Variants in TNRC18 observed in about 807,000 individuals in gnomAD.
TNRC18 encodes trinucleotide repeat containing 18.
Under a neutral mutation model 226.7 loss-of-function variants are expected in TNRC18, and 69 were observed. The ratio of observed to expected loss-of-function variants is 0.30; its 90% CI spans 0.25 to 0.37. TNRC18 has a LOEUF of 0.37. Ranked by LOEUF, TNRC18 falls within the 10% of genes least tolerant of loss-of-function variation. The pLI is 1.00. For missense variants in TNRC18, 4,754 were observed against 4,256.6 expected, an observed-to-expected ratio of 1.12 and a Z score of -3.25; for synonymous variants, 2,449 against 1,927.6, an observed-to-expected ratio of 1.27 and a Z score of -7.09.
At chr7:5,341,945 G>A (rs183340355) in intron 18 of TNRC18, among the ~76,000 whole-genome samples, 9 of 152,286 alleles carry the variant, frequency 5.9e-5, no homozygotes, top group East Asian at 1.9e-4. Context: ...TGAGGGAGAC[G>A]TACAAGGAGA....
Position 5,394,474 on chromosome 7 carries a change from G to T in TNRC18, c.309C>A (p.Pro103=). The change falls in exon 3 of 30, where the codon CCC becomes CCA. Residue 103 remains proline (P), a synonymous_variant. Coordinates refer to ENST00000430969, the MANE Select transcript of TNRC18 (RefSeq NM_001080495.3). The surrounding 1 kb of genome is among the most constrained non-coding windows in gnomAD (Gnocchi z 4.5). ...CGTGGGCGGCCCACAGCTGCACCAT[G>T]GGCAGGTTGCTAGGGGTTGGGGAGC... The part of the protein sequence containing the change: ...SFRSPTPSNL[P]MVQLWAAHAH... The T allele has an allele frequency of 6.4e-7, 1 of 1,558,820 alleles. No individual in the cohort carries two copies. The highest frequency in any genetic ancestry group is 8.7e-7 in the Non-Finnish European group (1 of 1,152,660).
chr7:5,399,813 T>C (rs1780956191), intron 2 of TNRC18, among the ~76,000 whole-genome samples: 2 of 151,864 alleles, frequency 1.3e-5, no homozygotes, highest in South Asian at 2.1e-4. Context: ...TCACTTGAGG[T>C]CAGGAGTTCG....
At chr7:5,362,099 ACCCAGGGGTG>A (rs1793118022) in intron 12 of TNRC18, 66 bp from the exon 13 acceptor site, 1 of 1,568,706 alleles carries the variant, frequency 6.4e-7, no homozygotes, top group Admixed American at 1.8e-5. Context: ...CCCACCGCCC[ACCCAGGGGTG>A]CCCCTGAGGA....
At position 5,388,296 on chromosome 7, in the gene TNRC18, A is replaced by C. The variant is rs764725111; in HGVS notation, c.1528T>G (p.Trp510Gly). 67 of 1,435,428 alleles carry C rather than the reference A, an allele frequency of 4.7e-5. No individual in the cohort carries two copies. The Middle Eastern group carries it at 7.6e-4, about 16-fold the overall frequency. 88.9% of individuals were successfully genotyped at this position (1,435,428 alleles called of 1,614,324 possible). Residue 510 changes from tryptophan (W) to glycine (G), a missense_variant, in exon 5 of 30, where the codon TGG (tryptophan) becomes GGG (glycine). By Grantham distance (184) the Trp-to-Gly change is radical (BLOSUM62 -2). Transcript: ENST00000430969. The part of the protein sequence containing the change: ...RPPPTGPEHK[W>G]KPFELGNFAA... Reference sequence around the variant, plus strand: ...AAGTTGCCCAGCTCGAAGGGTTTCCATTTATGCTCAGGGCCGGTGGGCGGG... The same window carrying C: ...AAGTTGCCCAGCTCGAAGGGTTTCCCTTTATGCTCAGGGCCGGTGGGCGGG...
chr7:5,385,586 A>C (rs1779714241), intron 5 of TNRC18, among the ~76,000 whole-genome samples: 1 of 151,582 alleles, frequency 6.6e-6, no homozygotes, highest in African/African-American at 2.4e-5. Flanking sequence ...CAGGAGGCTG[A>C]GGCCGGAGAA....
chr7:5,308,126 C>T lies in TNRC18; in HGVS notation c.8887G>A (p.Gly2963Ser), dbSNP rs775719680. ...CGGGCTCAGCAGAGCACGGGCACGCCGTCCGTGGAGAAGATCATGCCCGTG... is the reference window on the plus strand; with the variant it reads ...CGGGCTCAGCAGAGCACGGGCACGCTGTCCGTGGAGAAGATCATGCCCGTG... The part of the protein sequence containing the change: ...PTTGMIFSTD[G>S]VPVLC The change falls in exon 30 of 30, where the codon GGC becomes AGC. Residue 2963 changes from glycine to serine, a missense_variant. Physicochemically the swap from Gly to Ser is moderately conservative, Grantham distance 56 (BLOSUM62 0). Coordinates refer to ENST00000430969, the MANE Select transcript of TNRC18 (RefSeq NM_001080495.3). The T allele has an allele frequency of 1.3e-6, 2 of 1,554,946 alleles. No individual in the cohort carries two copies. The highest frequency in any genetic ancestry group is 1.2e-5 in the South Asian group (1 of 84,396).
intron 24 of TNRC18, among the ~76,000 whole-genome samples, chr7:5,316,397 G>A (rs555333903): frequency 2.0e-5 from 3 of 147,566 alleles, no homozygotes; most frequent in South Asian, 2.2e-4. Flanking sequence ...CTCCTGCCTC[G>A]GCCTCCCAAG....
rs755613149 is a variant in TNRC18, at chr7:5,308,110, C to T, written c.8903G>A (p.Cys2968Tyr). Reference protein sequence around the residue: ...IFSTDGVPVLC With the variant: ...IFSTDGVPVLY Reference sequence around the variant, plus strand: ...GGCCCGCAGGGCCCGGCGGGCTCAGCAGAGCACGGGCACGCCGTCCGTGGA... The same window carrying T: ...GGCCCGCAGGGCCCGGCGGGCTCAGTAGAGCACGGGCACGCCGTCCGTGGA... The change falls in exon 30 of 30, where the codon TGC (cysteine) becomes TAC (tyrosine). Residue 2968 changes from cysteine (C) to tyrosine (Y), a missense_variant. Transcript: ENST00000430969. The T allele has an allele frequency of 1.5e-5, 23 of 1,549,800 alleles. No homozygotes were observed. The highest frequency in any genetic ancestry group is 4.9e-5 in the East Asian group (2 of 40,956).
At position 5,309,217 on chromosome 7, in the gene TNRC18, G is replaced by A; in HGVS notation, c.8540C>T (p.Ser2847Leu). 2 of 1,613,724 alleles carry A rather than the reference G, an allele frequency of 1.2e-6. No homozygotes were observed. The highest frequency in any genetic ancestry group is 1.7e-6 in the Non-Finnish European group (2 of 1,179,814). The change falls in exon 28 of 30, where the codon TCG becomes TTG. Residue 2847 changes from serine (S) to leucine (L), a missense_variant. By Grantham distance (145) the Ser-to-Leu change is moderately radical (BLOSUM62 -2). Coordinates refer to ENST00000430969, the MANE Select transcript of TNRC18 (RefSeq NM_001080495.3). The surrounding 1 kb of genome is among the most constrained non-coding windows in gnomAD (Gnocchi z 5.7). Reference sequence around the variant, plus strand: ...GCGGACCACCATGTTGTTGCCCCACGACTCCCACATGCTCTGGATGCGGCC... The same window carrying A: ...GCGGACCACCATGTTGTTGCCCCACAACTCCCACATGCTCTGGATGCGGCC... ...YIGRIQSMWE[S>L]WGNNMVVRVK...
At chr7:5,349,255 G>A (rs1270287335) in intron 17 of TNRC18, among the ~76,000 whole-genome samples, 2 of 152,122 alleles carry the variant, frequency 1.3e-5, no homozygotes, top group Non-Finnish European at 2.9e-5. Context: ...TGCACACCCC[G>A]CTAGCGTCCG....
At chr7:5,318,886 C>T (rs139781002) in intron 24 of TNRC18, among the ~76,000 whole-genome samples, 3 of 152,284 alleles carry the variant, frequency 2.0e-5, no homozygotes, top group East Asian at 1.9e-4. Context: ...TACAAACATA[C>T]AAGGATGTGA....
At chr7:5,421,865 G>A (rs1049888426) in intron 1 of TNRC18, among the ~76,000 whole-genome samples, 4 of 152,250 alleles carry the variant, frequency 2.6e-5, no homozygotes, top group African/African-American at 2.4e-5. Flanking sequence ...ATGCTCCGGG[G>A]TTTAAAACCG....
intron 5 of TNRC18, among the ~76,000 whole-genome samples, chr7:5,382,507 A>C (rs969682553): frequency 4.6e-5 from 7 of 152,174 alleles, no homozygotes; most frequent in African/African-American, 1.7e-4. Flanking sequence ...CTCTCTGAGC[A>C]GTTCCAGATA....
Position 5,374,190 on chromosome 7 carries a change from T to TG in TNRC18, c.3093dup (p.Thr1032HisfsTer82). 5.2e-5 allele frequency: 4 copies of TG among 77,212 alleles called. No individual in the cohort carries two copies. Among genetic ancestry groups the TG allele is most frequent in the East Asian group, 1.0e-3 (1 of 1,000 alleles). The allele number at this position is 77,212 out of a possible 1,614,324, so 4.8% of individuals were successfully genotyped here. A position where few individuals can be genotyped will look rare whatever the true frequency, so the allele number is the denominator to read the frequency against. On this transcript the variant is annotated frameshift_variant, in exon 10 of 30. Transcript: ENST00000430969. LOFTEE classifies it high-confidence loss of function. ...GGTGGGGAGGCGGGCGGCGGGCTGG[T>TG]GGGGTGGGAGCTGGGGGTGGCGGGG...
intron 27 of TNRC18, among the ~76,000 whole-genome samples, chr7:5,310,101 C>A (rs1462241218): frequency 1.3e-5 from 2 of 152,148 alleles, no homozygotes; most frequent in Non-Finnish European, 2.9e-5. Context: ...GGGGGTCTCA[C>A]TATGTTGCCC....
In TNRC18 at chr7:5,324,921, T is replaced by G. The variant is rs1005785388; in HGVS notation, c.6300+175A>C. ...CTGAGGACAGGAGCAGAGTCCCCAG[T>G]ATCTCCTTATCCCTGGAGTGTGGGG... On this transcript the variant is annotated intron_variant, in intron 20 of 29. Coordinates refer to ENST00000430969, the MANE Select transcript of TNRC18 (RefSeq NM_001080495.3). The surrounding 1 kb of genome is among the most constrained non-coding windows in gnomAD (Gnocchi z 4.8). Among the ~76,000 whole-genome samples, 108 of 152,148 alleles carry G rather than the reference T, an allele frequency of 7.1e-4. No homozygotes were observed. The highest frequency in any genetic ancestry group is 2.4e-3 in the African/African-American group (99 of 41,444).
At chr7:5,335,331 C>G (rs1442350571) in intron 18 of TNRC18, among the ~76,000 whole-genome samples, 1 of 123,228 alleles carries the variant, frequency 8.1e-6, no homozygotes, top group Non-Finnish European at 1.7e-5. Context: ...AAAATTTGGC[C>G]AGGCACAGTG....
At chr7:5,321,860 C>T (rs555063782) in intron 21 of TNRC18, among the ~76,000 whole-genome samples, 4 of 151,760 alleles carry the variant, frequency 2.6e-5, no homozygotes, top group East Asian at 2.0e-4. Flanking sequence ...TTAGTAGAGA[C>T]GGGGTTCCAC....
chr7:5,422,329 T>TC (rs1046863711), intron 1 of TNRC18, among the ~76,000 whole-genome samples: 1,952 of 145,412 alleles, frequency 0.013, 26 homozygotes, highest in African/African-American at 0.035. Flanking sequence ...TACTCTAGCT[T>TC]CCCCCCCCAC....
Sources: allele counts gnomAD v4.1 joint callset (sites outside exome capture counted in the v4.1 genomes callset), GRCh38; gene constraint gnomAD v4.1.1; non-coding constraint Gnocchi (gnomAD v3.1); transcripts MANE v1.5; gene names NCBI Gene and HGNC (gene_info 2026-07-23, HGNC 2026-07-21).